BOC: variants seen among roughly 807,000 people sequenced by gnomAD.
The protein encoded by BOC is brother of CDO.
Under a neutral mutation model 112.0 loss-of-function variants are expected in BOC, and 76 were observed. That is an observed-to-expected ratio of 0.68 (90% CI 0.56 to 0.82). BOC has a LOEUF of 0.82. Among genes scored for constraint, BOC ranks in the 40% least tolerant of loss-of-function variants. The pLI is 0.00. For synonymous variants in BOC, 580 were observed against 599.8 expected (o/e 0.97, Z 0.48); for missense variants, 1,309 against 1,511.7 (o/e 0.87, Z 2.22).
intron 4 of BOC, chr3:113,261,637 T>A (rs529169742): frequency 6.6e-6 from 1 of 152,336 alleles, no homozygotes; most frequent in East Asian, 1.9e-4. Flanking sequence ...AAAAATGAAG[T>A]ATTTTTAATT....
intron 4 of BOC, among the ~76,000 whole-genome samples, chr3:113,253,501 G>A (rs1945878678): frequency 6.6e-6 from 1 of 151,910 alleles, no homozygotes; most frequent in Non-Finnish European, 1.5e-5. Flanking sequence ...CAGGAGGCAA[G>A]GCTGGGGTGA....
At position 113,268,703 on chromosome 3, in the gene BOC, C is replaced by G. The variant is rs137947639; in HGVS notation, c.523+258C>G. Among the ~76,000 whole-genome samples, 242 of 152,330 alleles carry G rather than the reference C, an allele frequency of 1.6e-3. 1 individual carries two copies. The highest frequency in any genetic ancestry group is 5.7e-3 in the African/African-American group (237 of 41,578). The stretch of plus-strand genomic sequence containing the variant: ...CTCACTGCAGCCTCCATCACCAAGG[C>G]TCAAGAGATCCTCCTTCCTCAACCA... On this transcript the variant is annotated intron_variant, in intron 5 of 19. Coordinates refer to ENST00000682979, the MANE Select transcript of BOC (RefSeq NM_001378074.1).
Position 113,213,625 on chromosome 3 carries a change from C to G in BOC, c.-170+1609C>G, listed in dbSNP as rs187447312. 2.0e-5 allele frequency among the ~76,000 whole-genome samples: 3 copies of G among 152,200 alleles called. No homozygotes were observed. The East Asian group carries it at 5.8e-4, about 29-fold the overall frequency. ...AGTAAATCTGAGGCAAGAGGTTAGC[C>G]ATTTTGAGGTGTGTAACAGGTTTCC... On this transcript the variant is annotated intron_variant, in intron 1 of 19. Transcript: ENST00000682979.
intron 2 of BOC, among the ~76,000 whole-genome samples, chr3:113,239,634 A>T (rs947702042): frequency 6.6e-6 from 1 of 152,246 alleles, no homozygotes; most frequent in Non-Finnish European, 1.5e-5. Flanking sequence ...CTTACAGCCC[A>T]CATGGCGGGC....
chr3:113,271,003 G>A, intron 6 of BOC, 59 bp downstream of exon 6: 1 of 1,609,646 alleles, frequency 6.2e-7, no homozygotes, highest in South Asian at 1.1e-5. Flanking sequence ...GGCTCACAAA[G>A]ATGGAAAGGG....
intron 6 of BOC, 41 bp from the exon 7 acceptor site, chr3:113,272,369 G>A (rs1254864983): frequency 1.9e-6 from 3 of 1,597,598 alleles, no homozygotes; most frequent in Non-Finnish European, 2.6e-6. Context: ...AGGACATCCT[G>A]GTCCACACGC....
Position 113,278,336 on chromosome 3 carries a change from C to A in BOC, c.1705+79C>A. The A allele has an allele frequency of 1.4e-6, 2 of 1,461,838 alleles. No homozygotes were observed. Among genetic ancestry groups the A allele is most frequent in the Non-Finnish European group, 1.9e-6 (2 of 1,059,648 alleles). The allele number at this position is 1,461,838 out of a possible 1,614,324, so 90.6% of individuals were successfully genotyped here. On this transcript the variant is annotated intron_variant, in intron 10 of 19. Coordinates refer to ENST00000682979, the MANE Select transcript of BOC (RefSeq NM_001378074.1). This position sits in a 1 kb window ranked among gnomAD's most constrained non-coding sequence, Gnocchi z 4.2. The stretch of plus-strand genomic sequence containing the variant: ...CCACTGGCCCAGGTGAGAATTCCTG[C>A]TCACCTTGCCCCAGCTGTTCACCTT...
intron 4 of BOC, among the ~76,000 whole-genome samples, chr3:113,265,535 G>A (rs560525476): frequency 1.3e-5 from 2 of 152,268 alleles, no homozygotes; most frequent in East Asian, 1.9e-4. Context: ...GGTACAGGGC[G>A]CACTGGCCTG....
chr3:113,220,820 G>A (rs1262142435), intron 2 of BOC, among the ~76,000 whole-genome samples: 1 of 152,204 alleles, frequency 6.6e-6, no homozygotes, highest in Admixed American at 6.5e-5. Context: ...AGAGGAAAAG[G>A]ACTCGTGGCC....
intron 4 of BOC, among the ~76,000 whole-genome samples, chr3:113,263,533 T>C (rs1576450497): frequency 6.6e-6 from 1 of 152,246 alleles, no homozygotes; most frequent in East Asian, 1.9e-4. Context: ...GAAGATTGAA[T>C]GAATAACTCC....
intron 2 of BOC, among the ~76,000 whole-genome samples, chr3:113,226,706 G>T (rs1254228563): frequency 1.3e-5 from 2 of 152,192 alleles, no homozygotes; most frequent in African/African-American, 2.4e-5. Context: ...TGGCTAGGGG[G>T]TGCTGACCTG....
intron 2 of BOC, among the ~76,000 whole-genome samples, chr3:113,243,329 C>CA (rs1944533875): frequency 6.6e-6 from 1 of 152,074 alleles, no homozygotes; most frequent in South Asian, 2.1e-4. Flanking sequence ...GAGAAGTCAA[C>CA]AAAATAATTA....
chr3:113,222,726 T>C (rs1231524199), intron 2 of BOC, among the ~76,000 whole-genome samples: 1 of 152,218 alleles, frequency 6.6e-6, no homozygotes, highest in Non-Finnish European at 1.5e-5. Context: ...GCTCACACTC[T>C]CATACCACCA....
At chr3:113,240,060 T>C (rs977593675) in intron 2 of BOC, among the ~76,000 whole-genome samples, 1 of 152,184 alleles carries the variant, frequency 6.6e-6, no homozygotes, top group African/African-American at 2.4e-5. Context: ...GCATTTCAGA[T>C]AACTGCATGA....
At chr3:113,236,484 G>A (rs1943580658) in intron 2 of BOC, among the ~76,000 whole-genome samples, 2 of 130,946 alleles carry the variant, frequency 1.5e-5, no homozygotes, top group African/African-American at 5.7e-5. Flanking sequence ...TAGACATAAA[G>A]TATGGAATGA....
intron 6 of BOC, chr3:113,272,083 T>G (rs1247569812): frequency 2.6e-6 from 1 of 383,546 alleles, no homozygotes; most frequent in Non-Finnish European, 4.8e-6. Context: ...AAGAAATATC[T>G]GTACCATTTA....
Position 113,280,564 on chromosome 3 carries a change from C to T in BOC, c.2212C>T (p.Pro738Ser). 2 of 1,605,452 alleles carry T rather than the reference C, an allele frequency of 1.2e-6. No homozygotes were observed. Among genetic ancestry groups the T allele is most frequent in the Non-Finnish European group, 1.7e-6 (2 of 1,172,166 alleles). Residue 738 changes from proline to serine, a missense_variant, in exon 14 of 20, where the codon CCA (proline) becomes TCA (serine). By Grantham distance (74) the Pro-to-Ser change is moderately conservative. Coordinates refer to ENST00000682979, the MANE Select transcript of BOC (RefSeq NM_001378074.1). ...TTIMLKWMYI[P>S]ASNNNTPIHG... ...TCTTCTCCATTCCCTATAGTACATC[C>T]CAGCAAGTAACAACAACACCCCAAT...
intron 2 of BOC, among the ~76,000 whole-genome samples, chr3:113,247,517 AG>A (rs1553731090): frequency 6.7e-6 from 1 of 149,124 alleles, no homozygotes; most frequent in Non-Finnish European, 1.5e-5. Flanking sequence ...AAAAAAAAAA[AG>A]GGAAAAAGGC....
rs886534795 is a variant in BOC at position 113,274,084 on chromosome 3, G to A, written c.1235-291G>A. Among the ~76,000 whole-genome samples, 170 of 152,310 alleles carry A rather than the reference G, an allele frequency of 1.1e-3. No individual in the cohort carries two copies. The highest frequency in any genetic ancestry group is 3.9e-3 in the African/African-American group (163 of 41,574). ...TTCCTGGGCCTCGGGAGAAAATTGA[G>A]TTAGTTCACTGGAGATGCACCTCAC... On this transcript the variant is annotated intron_variant, in intron 8 of 19. Coordinates refer to ENST00000682979, the MANE Select transcript of BOC (RefSeq NM_001378074.1). The surrounding 1 kb of genome is among the most constrained non-coding windows in gnomAD (Gnocchi z 4.8).
Sources: allele counts gnomAD v4.1 joint callset (sites outside exome capture counted in the v4.1 genomes callset), GRCh38; gene constraint gnomAD v4.1.1; non-coding constraint Gnocchi (gnomAD v3.1); transcripts MANE v1.5; gene names NCBI Gene and HGNC (gene_info 2026-07-23, HGNC 2026-07-21).